The following GRID1 variants were observed in gnomAD, a reference collection of about 807,000 sequenced individuals.
The protein encoded by GRID1 is glutamate ionotropic receptor delta type subunit 1.
A neutral mutation model predicts 98.0 loss-of-function variants in GRID1; 28 were observed. The ratio of observed to expected loss-of-function variants is 0.29; its 90% CI spans 0.21 to 0.39. GRID1 has a LOEUF of 0.39. Ranked by LOEUF, GRID1 falls within the 10% of genes least tolerant of loss-of-function variation. The probability of loss-of-function intolerance (pLI) is 1.00; values close to 1 mark genes in which losing one functional copy is unlikely to be tolerated. For missense variants in GRID1, 1,111 were observed against 1,340.5 expected (o/e 0.83, Z 2.67); for synonymous variants, 553 against 538.5 (o/e 1.03, Z -0.37).
chr10:86,085,797 G>A (rs1211462376), intron 4 of GRID1, among the ~76,000 whole-genome samples: 1 of 152,168 alleles, frequency 6.6e-6, no homozygotes, highest in African/African-American at 2.4e-5. Flanking sequence ...ACAGCCCGTG[G>A]CATCAAACCA....
At chr10:85,702,888 AGAG>A (rs150241440) in intron 12 of GRID1, among the ~76,000 whole-genome samples, 4,130 of 151,812 alleles carry the variant, frequency 0.027, 161 homozygotes, top group African/African-American at 0.094. Flanking sequence ...GAGAAGGAAA[AGAG>A]GAGGAAGACG....
intron 2 of GRID1, among the ~76,000 whole-genome samples, chr10:86,250,850 A>G (rs1451414063): frequency 6.6e-6 from 1 of 152,208 alleles, no homozygotes; most frequent in Non-Finnish European, 1.5e-5. Context: ...GGTGTACCCA[A>G]CAGCTCATTG....
At chr10:85,656,013 G>T (rs1840891205) in intron 12 of GRID1, among the ~76,000 whole-genome samples, 1 of 150,986 alleles carries the variant, frequency 6.6e-6, no homozygotes, top group East Asian at 1.9e-4. Flanking sequence ...CCTGTGAGAT[G>T]ACATCCTCCT....
At chr10:85,880,478 C>A (rs1840990147) in intron 5 of GRID1, among the ~76,000 whole-genome samples, 1 of 152,156 alleles carries the variant, frequency 6.6e-6, no homozygotes, top group African/African-American at 2.4e-5. Context: ...ATATGCAAAT[C>A]AATAAATGTA....
intron 4 of GRID1, among the ~76,000 whole-genome samples, chr10:86,062,200 T>C (rs1843658661): frequency 6.6e-6 from 1 of 152,208 alleles, no homozygotes; most frequent in Non-Finnish European, 1.5e-5. Flanking sequence ...ATTCAGAGAA[T>C]GGCTTTCTGG....
At chr10:86,324,335 C>T (rs565166912) in intron 2 of GRID1, among the ~76,000 whole-genome samples, 3 of 152,234 alleles carry the variant, frequency 2.0e-5, no homozygotes, top group Admixed American at 6.5e-5. Context: ...TTGAGAGACA[C>T]GTGTAAACAT....
At chr10:85,638,083 G>A (rs1007157489) in intron 13 of GRID1, among the ~76,000 whole-genome samples, 3 of 151,598 alleles carry the variant, frequency 2.0e-5, no homozygotes, top group African/African-American at 7.3e-5. Context: ...TTAACATTAA[G>A]AAGCTAGAAG....
intron 8 of GRID1, among the ~76,000 whole-genome samples, chr10:85,783,572 C>T (rs1842399632): frequency 6.6e-6 from 1 of 152,148 alleles, no homozygotes; most frequent in South Asian, 2.1e-4. Context: ...TGAGGATTCA[C>T]AGAAAATAAA....
At chr10:85,928,859 C>G (rs2012906699) in intron 4 of GRID1, among the ~76,000 whole-genome samples, 1 of 152,184 alleles carries the variant, frequency 6.6e-6, no homozygotes, top group South Asian at 2.1e-4. Context: ...CAACATTACC[C>G]TCTTCACCTT....
At chr10:85,762,513 T>C (rs1235789869) in intron 8 of GRID1, among the ~76,000 whole-genome samples, 3 of 152,182 alleles carry the variant, frequency 2.0e-5, no homozygotes, top group Non-Finnish European at 4.4e-5. Context: ...CATTCTACTG[T>C]GGACCTTGAA....
intron 8 of GRID1, among the ~76,000 whole-genome samples, chr10:85,742,466 C>A (rs1245578515): frequency 6.6e-6 from 1 of 152,148 alleles, no homozygotes; most frequent in Non-Finnish European, 1.5e-5. Context: ...CTAGAATGTT[C>A]TTGCTTCAAT....
chr10:86,187,351 A>C (rs1396687345), intron 3 of GRID1, among the ~76,000 whole-genome samples: 1 of 152,204 alleles, frequency 6.6e-6, no homozygotes, highest in Non-Finnish European at 1.5e-5. Flanking sequence ...AGACGCCTAC[A>C]GGCAACCTGA....
At chr10:85,628,899 C>A (rs1842941749) in intron 13 of GRID1, among the ~76,000 whole-genome samples, 1 of 152,158 alleles carries the variant, frequency 6.6e-6, no homozygotes, top group African/African-American at 2.4e-5. Context: ...GGCCATCTAG[C>A]AGTGGGAAGG....
Position 86,366,357 on chromosome 10 carries a change from T to C in GRID1, c.36A>G (p.Ile12Met), listed in dbSNP as rs1037080614. ...EALTLWLLPW[I>M]CQCVSVRADS... ...CGGCCCGCACCGACACGCACTGGCA[T>C]ATCCAGGGGAGAAGCCACAGCGTCA... is the stretch of plus-strand genomic sequence containing the variant. The change falls in exon 1 of 16, where the codon ATA becomes ATG. Residue 12 changes from isoleucine to methionine, a missense_variant. This residue lies in a region of GRID1 where 346 missense variants were observed against 452.3 expected (regional missense o/e 0.76). Coordinates refer to ENST00000327946, the MANE Select transcript of GRID1 (RefSeq NM_017551.3). The surrounding 1 kb of genome is among the most constrained non-coding windows in gnomAD (Gnocchi z 4.1). 2.6e-6 allele frequency: 4 copies of C among 1,521,592 alleles called. No individual in the cohort carries two copies. The highest frequency in any genetic ancestry group is 1.4e-5 in the African/African-American group (1 of 70,042). The allele number at this position is 1,521,592 out of a possible 1,614,324, so 94.3% of individuals were successfully genotyped here. A position where few individuals can be genotyped will look rare whatever the true frequency, so the allele number is the denominator to read the frequency against.
chr10:85,913,719 G>A (rs1841572298), intron 5 of GRID1, among the ~76,000 whole-genome samples: 1 of 152,200 alleles, frequency 6.6e-6, no homozygotes, highest in African/African-American at 2.4e-5. Flanking sequence ...AGGCCCGGGA[G>A]GCAGAGGTTG....
chr10:85,607,092 G>A (rs925719683), intron 15 of GRID1: 1 of 152,150 alleles, frequency 6.6e-6, no homozygotes, highest in African/African-American at 2.4e-5. Flanking sequence ...TAAACATGAC[G>A]ACAGATGCAC....
intron 12 of GRID1, among the ~76,000 whole-genome samples, chr10:85,712,862 C>A (rs993052871): frequency 6.6e-6 from 1 of 151,596 alleles, no homozygotes. Flanking sequence ...AAAAAAAATT[C>A]TTGAGGCAAA....
At chr10:85,689,536 A>G (rs1434897280) in intron 12 of GRID1, among the ~76,000 whole-genome samples, 1 of 152,198 alleles carries the variant, frequency 6.6e-6, no homozygotes, top group Non-Finnish European at 1.5e-5. Flanking sequence ...TTGCTGATAT[A>G]CATGCAAACA....
At position 86,138,988 on chromosome 10, in the gene GRID1, G is replaced by A. The variant is rs778151031; in HGVS notation, c.557C>T (p.Ser186Leu). 2.0e-5 allele frequency: 32 copies of A among 1,613,936 alleles called. No individual in the cohort carries two copies. Among genetic ancestry groups the A allele is most frequent in the Admixed American group, 5.0e-5 (3 of 60,014 alleles). Reference sequence around the variant, plus strand: ...TAAAGAGACGTCAAGGCCCAGCCGCGAGGCCTGGTCCAGAAAGCTTTGAAG... The same window carrying A: ...TAAAGAGACGTCAAGGCCCAGCCGCAAGGCCTGGTCCAGAAAGCTTTGAAG... ...RGLQSFLDQA[S>L]RLGLDVSLQK... is the part of the protein sequence containing the mutation. Residue 186 changes from serine (S) to leucine (L), a missense_variant, in exon 4 of 16, where the codon TCG (serine) becomes TTG (leucine). This residue lies in a region of GRID1 where 346 missense variants were observed against 452.3 expected (regional missense o/e 0.76). Coordinates refer to ENST00000327946, the MANE Select transcript of GRID1 (RefSeq NM_017551.3).
Sources: gnomAD v4.1 joint callset for allele counts (sites outside exome capture counted in the v4.1 genomes callset) on GRCh38, gnomAD v4.1.1 for gene constraint, gnomAD v4.1.1 regional missense constraint, Gnocchi (gnomAD v3.1) non-coding constraint, MANE v1.5 for transcripts, NCBI Gene and HGNC (gene_info 2026-07-23, HGNC 2026-07-21) for gene names.